The following SAMD5 variants were observed in gnomAD, a reference collection of about 807,000 sequenced individuals.
SAMD5 encodes sterile alpha motif domain-containing protein 5.
Under a neutral mutation model 11.3 loss-of-function variants are expected in SAMD5, and 13 were observed. That is an observed-to-expected ratio of 1.15 (90% CI 0.75 to 1.83). The LOEUF is 1.83. SAMD5 is among the 40% of genes most tolerant of loss of function. The pLI is 0.00. For synonymous variants in SAMD5, 129 were observed against 111.3 expected (o/e 1.16, Z -1.00); for missense variants, 255 against 239.1 (o/e 1.07, Z -0.44).
At chr6:147,949,851 A>G in the SAMD5 span, among the ~76,000 whole-genome samples, 1 of 152,254 alleles carries the variant, frequency 6.6e-6, no homozygotes, top group East Asian at 1.9e-4. Flanking sequence ...TCATTTTGTT[A>G]TACTGCATTT....
the SAMD5 span, among the ~76,000 whole-genome samples, chr6:147,754,398 G>T: frequency 2.8e-5 from 3 of 106,064 alleles, no homozygotes; most frequent in African/African-American, 3.6e-5. Flanking sequence ...ACCCATTTTT[G>T]GATCAGATTA....
At chr6:147,828,490 C>T in the SAMD5 span, among the ~76,000 whole-genome samples, 2 of 152,102 alleles carry the variant, frequency 1.3e-5, no homozygotes, top group East Asian at 3.9e-4. Flanking sequence ...GGGTGGGCAC[C>T]ATCTAATCAG....
intron 1 of SAMD5, among the ~76,000 whole-genome samples, chr6:147,547,515 T>C (rs537956145): frequency 7.2e-5 from 11 of 152,312 alleles, no homozygotes; most frequent in African/African-American, 2.6e-4. Context: ...CTTCTTTTCA[T>C]GTGGCGCCTT....
chr6:147,705,482 TG>T (rs533086150), intron 1 of SAMD5, among the ~76,000 whole-genome samples: 94 of 152,248 alleles, frequency 6.2e-4, no homozygotes, highest in Non-Finnish European at 5.9e-4. Flanking sequence ...TTTAGATTAT[TG>T]TTTTTTTAAG....
downstream of SAMD5, among the ~76,000 whole-genome samples, chr6:147,572,860 T>C (rs1789157296): frequency 6.6e-6 from 1 of 151,886 alleles, no homozygotes; most frequent in African/African-American, 2.4e-5. Flanking sequence ...CTTTTGGATA[T>C]ATTTGATATA....
At chr6:147,668,098 T>C (rs1220416120) in intron 1 of SAMD5, among the ~76,000 whole-genome samples, 2 of 152,200 alleles carry the variant, frequency 1.3e-5, no homozygotes, top group East Asian at 3.8e-4. Flanking sequence ...TACTAAAATA[T>C]ATAAAATAAA....
intron 1 of SAMD5, among the ~76,000 whole-genome samples, chr6:147,534,231 G>A (rs1401227977): frequency 6.6e-6 from 1 of 152,196 alleles, no homozygotes; most frequent in Non-Finnish European, 1.5e-5. Context: ...TGAGTTTTCT[G>A]CTGGGTGAAG....
chr6:147,937,339 G>C, the SAMD5 span, among the ~76,000 whole-genome samples: 1 of 152,104 alleles, frequency 6.6e-6, no homozygotes, highest in Non-Finnish European at 1.5e-5. Context: ...CTCTAGCAAG[G>C]CATGCTTATG....
At chr6:147,520,400 G>A (rs998378197) in intron 1 of SAMD5, among the ~76,000 whole-genome samples, 28 of 152,112 alleles carry the variant, frequency 1.8e-4, no homozygotes, top group African/African-American at 4.1e-4. Flanking sequence ...GATTACAGCC[G>A]CCATGCCCGG....
the SAMD5 span, among the ~76,000 whole-genome samples, chr6:147,777,055 C>A: frequency 6.6e-6 from 1 of 152,136 alleles, no homozygotes; most frequent in African/African-American, 2.4e-5. Context: ...CCCCTATTTT[C>A]TTTTAAAATA....
chr6:147,586,898 AACAATTATTTGTAC>A (rs964370046), intron 1 of SAMD5, among the ~76,000 whole-genome samples: 11 of 152,098 alleles, frequency 7.2e-5, no homozygotes, highest in African/African-American at 2.7e-4. Flanking sequence ...AGAACTAATA[AACAATTATTTGTAC>A]ATAAATTATA....
intron 1 of SAMD5, among the ~76,000 whole-genome samples, chr6:147,704,051 A>G (rs1791293180): frequency 2.0e-5 from 3 of 152,072 alleles, no homozygotes; most frequent in African/African-American, 7.2e-5. Context: ...TCATGCCACC[A>G]TGCCCGGCTA....
intron 1 of SAMD5, among the ~76,000 whole-genome samples, chr6:147,735,344 G>T (rs9399619): frequency 0.42 from 63,959 of 151,468 alleles, 15,761 homozygotes; most frequent in Middle Eastern, 0.57. Flanking sequence ...TTGTGGCTTT[G>T]ATTGTTATCG....
chr6:147,906,955 G>A, the SAMD5 span, among the ~76,000 whole-genome samples: 1 of 152,230 alleles, frequency 6.6e-6, no homozygotes, highest in Admixed American at 6.5e-5. Flanking sequence ...GTATTTTCTT[G>A]TAATAGCCAG....
the SAMD5 span, among the ~76,000 whole-genome samples, chr6:147,867,794 C>T: frequency 1.4e-4 from 22 of 152,102 alleles, 1 homozygote; most frequent in Non-Finnish European, 1.3e-4. Flanking sequence ...AGATTCAGCC[C>T]CAGGAGGTCA....
chr6:147,642,284 G>T (rs535766226), intron 1 of SAMD5, among the ~76,000 whole-genome samples: 1 of 152,162 alleles, frequency 6.6e-6, no homozygotes, highest in South Asian at 2.1e-4. Flanking sequence ...TCTACCTATT[G>T]TCTTAGTGCA....
the SAMD5 span, among the ~76,000 whole-genome samples, chr6:147,920,339 A>G: frequency 1.3e-5 from 2 of 152,284 alleles, 1 homozygote; most frequent in South Asian, 4.1e-4. Context: ...TCAAAGTTCT[A>G]TAGCTTTTGG....
chr6:147,601,830 T>C (rs1307002429), intron 1 of SAMD5, among the ~76,000 whole-genome samples: 1 of 152,220 alleles, frequency 6.6e-6, no homozygotes, highest in African/African-American at 2.4e-5. Flanking sequence ...AATGCAATTA[T>C]GCATTTTGGG....
chr6:147,680,281 C>T (rs1790923076), intron 1 of SAMD5, among the ~76,000 whole-genome samples: 1 of 152,024 alleles, frequency 6.6e-6, no homozygotes, highest in Admixed American at 6.6e-5. Context: ...CTTGGAATTA[C>T]ATATTTTGAT....
Sources: allele counts gnomAD v4.1 joint callset (sites outside exome capture counted in the v4.1 genomes callset), GRCh38; gene constraint gnomAD v4.1.1; transcripts MANE v1.5; gene names NCBI Gene and HGNC (gene_info 2026-07-23, HGNC 2026-07-21).